The following KTN1 variants were observed in gnomAD, a reference collection of about 807,000 sequenced individuals.
KTN1 encodes the protein kinectin.
A neutral mutation model predicts 222.5 loss-of-function variants in KTN1; 130 were observed. The ratio of observed to expected loss-of-function variants is 0.58; its 90% confidence interval spans 0.51 to 0.68. The LOEUF is 0.68. KTN1 is among the 30% of genes least tolerant of loss of function. The pLI is 0.00. For synonymous variants in KTN1, 512 were observed against 496.3 expected, an observed-to-expected ratio of 1.03 and a Z score of -0.42; for missense variants, 1,508 against 1,500.4, an observed-to-expected ratio of 1.01 and a Z score of -0.08.
At chr14:55,608,881 C>T (rs561615259) in intron 1 of KTN1, among the ~76,000 whole-genome samples, 95 of 152,168 alleles carry the variant, frequency 6.2e-4, no homozygotes, top group Non-Finnish European at 1.0e-3. Flanking sequence ...CCGCCTGCCT[C>T]GGCCTCCCAA....
At chr14:55,590,320 AAT>A (rs1381490600) in intron 1 of KTN1, among the ~76,000 whole-genome samples, 5 of 152,208 alleles carry the variant, frequency 3.3e-5, no homozygotes, top group Admixed American at 3.3e-4. Context: ...TTAAAGATTA[AAT>A]ATAAAATGAA....
At chr14:55,673,327 C>T (rs1485155935) in intron 40 of KTN1, 72 bp downstream of exon 40, 1 of 958,170 alleles carries the variant, frequency 1.0e-6, no homozygotes, top group African/African-American at 1.7e-5. Context: ...GAGAAACCAT[C>T]CAGGCTTTTT....
At chr14:55,585,007 C>T (rs113574894) in intron 1 of KTN1, among the ~76,000 whole-genome samples, 3,601 of 151,958 alleles carry the variant, frequency 0.024, 46 homozygotes, top group Non-Finnish European at 0.037. Flanking sequence ...TAGCGTGTGC[C>T]TGTGGTCCCG....
Position 55,616,534 on chromosome 14 carries a change from G to A in KTN1, c.541G>A (p.Val181Met), listed in dbSNP as rs753844038. The A allele has an allele frequency of 4.4e-6, 7 of 1,585,198 alleles. No individual in the cohort carries two copies. The highest frequency in any genetic ancestry group is 5.1e-6 in the Non-Finnish European group (6 of 1,172,584). ...TAATAAAGATGACCAGGATAAAAAG[G>A]TGGAAACTCTCATGGTACCATCAAA... is the stretch of plus-strand genomic sequence containing the variant. ...KNGSDDQDKK[V>M]ETLMVPSKRQ... Residue 181 changes from valine (V) to methionine (M), a missense_variant, in exon 3 of 44, where the codon GTG (valine) becomes ATG (methionine). Transcript: ENST00000395314.
chr14:55,631,341 G>GAGATATATATATATATATATATATATAT (rs71448461), intron 7 of KTN1, among the ~76,000 whole-genome samples: 14 of 114,716 alleles, frequency 1.2e-4, no homozygotes, highest in Non-Finnish European at 2.2e-4. Context: ...TGATAAGGTT[G>GAGATATATATATATATATATATATATAT]ATATATATAT....
In KTN1 at chr14:55,637,812, C is replaced by G. The variant is rs762689133; in HGVS notation, c.1750C>G (p.Gln584Glu). ...ILEQNEALKA[Q>E]IQQFHSQIAA... The stretch of plus-strand genomic sequence containing the variant: ...GGAGCAGAATGAGGCTTTGAAAGCT[C>G]AAATTCAGCAGTTCCATTCCCAGAT... Residue 584 changes from glutamine (Q) to glutamate (E), a missense_variant, in exon 12 of 44, where the codon CAA becomes GAA. By Grantham distance (29) the Gln-to-Glu change is conservative. Coordinates refer to ENST00000395314, the MANE Select transcript of KTN1 (RefSeq NM_001079521.2). 3.7e-6 allele frequency: 6 copies of G among 1,611,098 alleles called. No homozygotes were observed. The South Asian group carries it at 6.6e-5, about 18-fold the overall frequency.
intron 18 of KTN1, 49 bp downstream of exon 18, chr14:55,641,809 GATCTGGTTCTTCT>G: frequency 2.6e-6 from 3 of 1,142,856 alleles, no homozygotes; most frequent in Non-Finnish European, 3.9e-6. Flanking sequence ...TATATAACAA[GATCTGGTTCTTCT>G]TATTTAGGTA....
rs778065836 is a variant in KTN1, at chr14:55,675,913, C to T, written c.3850C>T (p.His1284Tyr). The change falls in exon 41 of 44, where the codon CAT becomes TAT. Residue 1284 changes from histidine (H) to tyrosine (Y), a missense_variant. Coordinates refer to ENST00000395314, the MANE Select transcript of KTN1 (RefSeq NM_001079521.2). Reference sequence around the variant, plus strand: ...AAGACAGAAGGTAGCTGGTGATTTGCATAAGGTAGGCACTGTTCGTCCTAG... The same window carrying T: ...AAGACAGAAGGTAGCTGGTGATTTGTATAAGGTAGGCACTGTTCGTCCTAG... Reference protein sequence around the residue: ...NERQKVAGDLHKAQQSLELIQ... With the variant: ...NERQKVAGDLYKAQQSLELIQ... 5.6e-6 allele frequency: 9 copies of T among 1,610,308 alleles called. No homozygotes were observed. Among genetic ancestry groups the T allele is most frequent in the African/African-American group, 1.3e-5 (1 of 74,844 alleles).
At chr14:55,670,980 G>T (rs1367395051) in intron 35 of KTN1, among the ~76,000 whole-genome samples, 171 bp downstream of exon 35, 1 of 152,126 alleles carries the variant, frequency 6.6e-6, no homozygotes, top group South Asian at 2.1e-4. Context: ...ACAGTAAGTT[G>T]TCTTTGCATT....
At chr14:55,668,218 T>A (rs1339032075) in intron 34 of KTN1, 1 of 152,172 alleles carries the variant, frequency 6.6e-6, no homozygotes, top group Non-Finnish European at 1.5e-5. Flanking sequence ...TCATAAATTG[T>A]CTGTTTTATT....
At chr14:55,639,362 CTTTTTT>C (rs369782699) in intron 13 of KTN1, 140 bp downstream of exon 13, 3 of 351,528 alleles carry the variant, frequency 8.5e-6, no homozygotes, top group South Asian at 9.0e-5. Flanking sequence ...GCAACTTTTG[CTTTTTT>C]TTTTTTTTTT....
intron 5 of KTN1, among the ~76,000 whole-genome samples, chr14:55,624,155 C>A (rs1180977389): frequency 6.6e-6 from 1 of 152,142 alleles, no homozygotes; most frequent in African/African-American, 2.4e-5. Context: ...AGGAACTCTG[C>A]CTTTGTAGGT....
Position 55,649,685 on chromosome 14 carries a change from T to C in KTN1, c.2368-91T>C, listed in dbSNP as rs1475281119. 1.3e-5 allele frequency: 10 copies of C among 759,494 alleles called. No homozygotes were observed. The East Asian group carries it at 2.7e-4, about 21-fold the overall frequency. The allele number at this position is 759,494 out of a possible 1,614,324, so 47.0% of individuals were successfully genotyped here. On this transcript the variant is annotated intron_variant, in intron 21 of 43. Coordinates refer to ENST00000395314, the MANE Select transcript of KTN1 (RefSeq NM_001079521.2). ...GCTTTTCCCATTTGGATTTTGATTG[T>C]ATTGGAAAATCTAAGGATAATGTGC... is the stretch of plus-strand genomic sequence containing the variant.
At chr14:55,586,372 C>T (rs908174207) in intron 1 of KTN1, among the ~76,000 whole-genome samples, 11 of 152,146 alleles carry the variant, frequency 7.2e-5, no homozygotes, top group Non-Finnish European at 1.3e-4. Flanking sequence ...TGATAGCTAA[C>T]ATTGGAGTAC....
chr14:55,594,821 G>T (rs1420437438), intron 1 of KTN1, among the ~76,000 whole-genome samples: 1 of 152,166 alleles, frequency 6.6e-6, no homozygotes, highest in East Asian at 1.9e-4. Context: ...TATAATGAAG[G>T]CTAATTGTAT....
intron 6 of KTN1, 128 bp downstream of exon 6, chr14:55,628,156 G>A (rs2040084187): frequency 1.6e-6 from 1 of 614,776 alleles, no homozygotes; most frequent in African/African-American, 1.9e-5. Context: ...CTTTCCTTTA[G>A]AGTTTTGGGA....
At chr14:55,628,644 C>A (rs2040135877) in intron 6 of KTN1, among the ~76,000 whole-genome samples, 1 of 152,140 alleles carries the variant, frequency 6.6e-6, no homozygotes, top group Non-Finnish European at 1.5e-5. Flanking sequence ...ATGAGTCATT[C>A]ACCTAGCCAC....
chr14:55,673,018 T>TA lies in KTN1; in HGVS notation c.3687+7dup. 5 of 1,599,818 alleles carry TA rather than the reference T, an allele frequency of 3.1e-6. No individual in the cohort carries two copies. The highest frequency in any genetic ancestry group is 4.3e-6 in the Non-Finnish European group (5 of 1,167,308). On this transcript the variant is annotated splice_region_variant and intron_variant, in intron 39 of 43. Coordinates refer to ENST00000395314, the MANE Select transcript of KTN1 (RefSeq NM_001079521.2). Reference sequence around the variant, plus strand: ...ATGTTACAGAAGTCAGAGAGGTACTTACAACAGAATCTTTTCAAACTTGCT... The same window carrying TA: ...ATGTTACAGAAGTCAGAGAGGTACTTAACAACAGAATCTTTTCAAACTTGCT...
At chr14:55,663,866 T>C in intron 32 of KTN1, 89 bp from the exon 33 acceptor site, 1 of 801,186 alleles carries the variant, frequency 1.2e-6, no homozygotes, top group Non-Finnish European at 2.0e-6. Context: ...AACCAGCATT[T>C]AAATGCAGTG....
Sources: gnomAD v4.1 joint callset for allele counts (sites outside exome capture counted in the v4.1 genomes callset) on GRCh38, gnomAD v4.1.1 for gene constraint, MANE v1.5 for transcripts, NCBI Gene and HGNC (gene_info 2026-07-23, HGNC 2026-07-21) for gene names.